The following NRG3 variants were observed in gnomAD, a reference collection of about 807,000 sequenced individuals.
NRG3 encodes pro-neuregulin-3, membrane-bound isoform.
A neutral mutation model predicts 66.9 loss-of-function variants in NRG3; 31 were observed. That is an observed-to-expected ratio of 0.46 (90% CI 0.35 to 0.63). The LOEUF (loss-of-function observed/expected upper bound fraction) is 0.63. Ranked by LOEUF, NRG3 falls within the 20% of genes least tolerant of loss-of-function variation. The pLI is 0.00. For missense variants in NRG3, 910 were observed against 878.9 expected (o/e 1.04, Z -0.45); for synonymous variants, 393 against 359.4 (o/e 1.09, Z -1.06).
intron 2 of NRG3, among the ~76,000 whole-genome samples, chr10:82,396,634 T>A (rs1447512786): frequency 6.6e-6 from 1 of 152,176 alleles, no homozygotes; most frequent in African/African-American, 2.4e-5. Flanking sequence ...ATTTACATAG[T>A]GATTTGTTGA....
At chr10:82,663,670 A>T (rs2052541865) in intron 2 of NRG3, among the ~76,000 whole-genome samples, 1 of 152,206 alleles carries the variant, frequency 6.6e-6, no homozygotes, top group South Asian at 2.1e-4. Context: ...CTTTGGGGTG[A>T]TGTGTTCTTG....
At chr10:82,464,578 C>T (rs1490621741) in intron 2 of NRG3, among the ~76,000 whole-genome samples, 2 of 152,136 alleles carry the variant, frequency 1.3e-5, no homozygotes, top group African/African-American at 2.4e-5. Flanking sequence ...CAGCTTGAGG[C>T]CTGGGTTTGG....
intron 1 of NRG3, among the ~76,000 whole-genome samples, chr10:82,345,174 T>C (rs1245764739): frequency 7.0e-6 from 1 of 142,668 alleles, no homozygotes; most frequent in African/African-American, 2.9e-5. Context: ...CTAGGTTTTC[T>C]TCTAGGGTTT....
At chr10:82,874,887 T>G (rs1841670083) in intron 4 of NRG3, among the ~76,000 whole-genome samples, 1 of 152,222 alleles carries the variant, frequency 6.6e-6, no homozygotes, top group Non-Finnish European at 1.5e-5. Context: ...GCAAAGCAGT[T>G]CTGTGACTAG....
intron 1 of NRG3, among the ~76,000 whole-genome samples, chr10:82,189,654 G>A (rs1466097436): frequency 1.3e-5 from 2 of 152,094 alleles, no homozygotes; most frequent in South Asian, 2.1e-4. Context: ...GCCAGGTGTG[G>A]CGGCATGCTC....
chr10:82,128,183 C>T lies in NRG3; in HGVS notation c.824-230556C>T, dbSNP rs144212576. On this transcript the variant is annotated intron_variant, in intron 1 of 8. Transcript: ENST00000372141. The stretch of plus-strand genomic sequence containing the variant: ...GGACACATTTTATCTTACCTAGTTC[C>T]GGACAATCATCTTTATTAATAATGC... 2.5e-3 allele frequency among the ~76,000 whole-genome samples: 377 copies of T among 151,952 alleles called. 4 individuals carry two copies. The highest frequency in any genetic ancestry group is 8.5e-3 in the African/African-American group (353 of 41,494).
intron 1 of NRG3, among the ~76,000 whole-genome samples, chr10:82,283,859 A>C (rs926361828): frequency 2.0e-5 from 3 of 152,144 alleles, no homozygotes; most frequent in African/African-American, 7.2e-5. Flanking sequence ...ATTTTTGACA[A>C]CCCAGAACAT....
At chr10:82,231,381 G>T (rs1225339118) in intron 1 of NRG3, among the ~76,000 whole-genome samples, 1 of 151,652 alleles carries the variant, frequency 6.6e-6, no homozygotes, top group Non-Finnish European at 1.5e-5. Flanking sequence ...ATATCACATT[G>T]TATTTAAAAG....
chr10:82,735,076 G>C (rs2058090175), intron 2 of NRG3, among the ~76,000 whole-genome samples: 1 of 151,458 alleles, frequency 6.6e-6, no homozygotes, highest in Non-Finnish European at 1.5e-5. Context: ...AAGAAAGAAA[G>C]AAATTCACTG....
chr10:82,473,566 C>A (rs1841474728), intron 2 of NRG3, among the ~76,000 whole-genome samples: 1 of 152,142 alleles, frequency 6.6e-6, no homozygotes, highest in African/African-American at 2.4e-5. Flanking sequence ...ACCAAATAAA[C>A]ACCCAATCAT....
chr10:82,852,108 G>T (rs2063589127), intron 3 of NRG3, among the ~76,000 whole-genome samples: 1 of 152,156 alleles, frequency 6.6e-6, no homozygotes, highest in Admixed American at 6.5e-5. Context: ...GCAGGATAGG[G>T]CTGCAGCAAC....
chr10:81,927,192 A>G (rs897975551), intron 1 of NRG3, among the ~76,000 whole-genome samples: 1 of 152,214 alleles, frequency 6.6e-6, no homozygotes, highest in African/African-American at 2.4e-5. Flanking sequence ...GACACAAAAC[A>G]TATGCCTAAG....
chr10:82,114,230 T>C (rs185535899), intron 1 of NRG3, among the ~76,000 whole-genome samples: 20 of 152,276 alleles, frequency 1.3e-4, no homozygotes, highest in Admixed American at 1.3e-3. Context: ...AGGTGATGCA[T>C]ATTTGAGTTG....
intron 4 of NRG3, among the ~76,000 whole-genome samples, chr10:82,946,325 G>A (rs1849017083): frequency 6.6e-6 from 1 of 151,922 alleles, no homozygotes; most frequent in Admixed American, 6.6e-5. Context: ...TGGATCACAA[G>A]GTCAAGAGAT....
rs538036610 is a variant in NRG3 at position 82,293,945 on chromosome 10, T to A, written c.824-64794T>A. 2.6e-5 allele frequency among the ~76,000 whole-genome samples: 4 copies of A among 152,168 alleles called. No individual in the cohort carries two copies. The East Asian group carries it at 7.7e-4, about 29-fold the overall frequency. On this transcript the variant is annotated intron_variant, in intron 1 of 8. Transcript: ENST00000372141. Reference sequence around the variant, plus strand: ...TTTGCAATTTTTTTTTCTTTCTCTATCTTGACTTCCTCTCTCTTGTTAGCC... The same window carrying A: ...TTTGCAATTTTTTTTTCTTTCTCTAACTTGACTTCCTCTCTCTTGTTAGCC...
At chr10:82,315,473 G>T (rs1427351388) in intron 1 of NRG3, among the ~76,000 whole-genome samples, 1 of 152,124 alleles carries the variant, frequency 6.6e-6, no homozygotes, top group Non-Finnish European at 1.5e-5. Context: ...TGATCTTCTT[G>T]TGTAGATCTT....
chr10:82,485,095 A>G (rs1842575099), intron 2 of NRG3, among the ~76,000 whole-genome samples: 2 of 152,130 alleles, frequency 1.3e-5, no homozygotes, highest in South Asian at 2.1e-4. Flanking sequence ...ACCTTGCTCC[A>G]TGCTAGCACG....
Position 82,646,808 on chromosome 10 carries a change from G to A in NRG3, c.954-91769G>A, listed in dbSNP as rs568047013. ...TTGGGCCGTCAGGGTTTGCTAACTG[G>A]TGCTTATCCAGAGGAGAAACAAATT... On this transcript the variant is annotated intron_variant, in intron 2 of 8. Transcript: ENST00000372141. Among the ~76,000 whole-genome samples, 64 of 152,196 alleles carry A rather than the reference G, an allele frequency of 4.2e-4. 1 individual carries two copies. The South Asian group carries it at 0.013, about 31-fold the overall frequency.
At chr10:82,859,756 C>T (rs1352450174) in intron 3 of NRG3, among the ~76,000 whole-genome samples, 3 of 152,070 alleles carry the variant, frequency 2.0e-5, no homozygotes, top group Non-Finnish European at 4.4e-5. Context: ...ATGTTCTCAC[C>T]GCATAAAGAT....
Sources: gnomAD v4.1 joint callset for allele counts (sites outside exome capture counted in the v4.1 genomes callset) on GRCh38, gnomAD v4.1.1 for gene constraint, MANE v1.5 for transcripts, NCBI Gene and HGNC (gene_info 2026-07-23, HGNC 2026-07-21) for gene names.